CTNNA3: variants seen among roughly 807,000 people sequenced by gnomAD.
CTNNA3 encodes catenin alpha-3.
Under a neutral mutation model 95.7 loss-of-function variants are expected in CTNNA3, and 76 were observed. The ratio of observed to expected loss-of-function variants is 0.79; its 90% confidence interval spans 0.66 to 0.96. The LOEUF (loss-of-function observed/expected upper bound fraction) is 0.96, where lower values mean the gene tolerates loss of function less well. Among genes scored for constraint, CTNNA3 ranks in the 40% least tolerant of loss-of-function variants. CTNNA3 has a pLI of 0.00. For missense variants in CTNNA3, 1,191 were observed against 1,089.8 expected, an observed-to-expected ratio of 1.09 and a Z score of -1.31; for synonymous variants, 431 against 374.4, an observed-to-expected ratio of 1.15 and a Z score of -1.74.
chr10:66,055,402 T>A, intron 15 of CTNNA3, among the ~76,000 whole-genome samples: 1 of 152,180 alleles, frequency 6.6e-6, no homozygotes, highest in East Asian at 1.9e-4. Context: ...CTTTCATCAA[T>A]GTTTTACAGT....
intron 7 of CTNNA3, among the ~76,000 whole-genome samples, chr10:66,961,379 T>C (rs1849101345): frequency 6.6e-6 from 1 of 152,172 alleles, no homozygotes; most frequent in Non-Finnish European, 1.5e-5. Context: ...TCCTCTTACT[T>C]GAACTGTCAG....
chr10:66,761,583 G>A (rs1485631635), intron 9 of CTNNA3, among the ~76,000 whole-genome samples: 1 of 152,090 alleles, frequency 6.6e-6, no homozygotes, highest in Non-Finnish European at 1.5e-5. Context: ...TTCAAAAAAA[G>A]AGTGAAATTT....
At chr10:67,205,753 G>A (rs1270205762) in intron 6 of CTNNA3, among the ~76,000 whole-genome samples, 1 of 152,154 alleles carries the variant, frequency 6.6e-6, no homozygotes, top group African/African-American at 2.4e-5. Context: ...TGAGGAAAAG[G>A]TAAGGATAAA....
chr10:67,351,167 G>T (rs569195396), intron 5 of CTNNA3, among the ~76,000 whole-genome samples: 1 of 151,982 alleles, frequency 6.6e-6, no homozygotes, highest in South Asian at 2.1e-4. Context: ...TCTGGAATAG[G>T]CAAAACAGAT....
Position 66,845,660 on chromosome 10 carries a change from G to A in CTNNA3, c.1048-70136C>T, listed in dbSNP as rs532166158. Among the ~76,000 whole-genome samples, 17 of 126,128 alleles carry A rather than the reference G, an allele frequency of 1.3e-4. No homozygotes were observed. The East Asian group carries it at 1.5e-3, about 11-fold the overall frequency. 82.7% of individuals were successfully genotyped at this position (126,128 alleles called of 152,430 possible). ...AGAGGTTGCGGTGAGCCGAGATCGC[G>A]CCATTGCACTCCAGCCTGGGTAACA... On this transcript the variant is annotated intron_variant, in intron 7 of 17. Transcript: ENST00000433211.
chr10:66,953,650 G>A (rs1056187121), intron 7 of CTNNA3, among the ~76,000 whole-genome samples: 1 of 152,036 alleles, frequency 6.6e-6, no homozygotes, highest in African/African-American at 2.4e-5. Context: ...ATTGCTTAGA[G>A]AATTTCATCT....
intron 9 of CTNNA3, among the ~76,000 whole-genome samples, chr10:66,747,168 G>A (rs1260043011): frequency 6.6e-6 from 1 of 152,158 alleles, no homozygotes; most frequent in Non-Finnish European, 1.5e-5. Flanking sequence ...TCACTTAAAT[G>A]TTGCTTACAA....
chr10:67,682,597 T>C (rs544273739), intron 1 of CTNNA3, among the ~76,000 whole-genome samples: 2 of 152,320 alleles, frequency 1.3e-5, no homozygotes, highest in South Asian at 4.1e-4. Context: ...TATGAACTTC[T>C]TGAAGAGAAA....
chr10:66,562,463 G>C (rs1253724704), intron 10 of CTNNA3, among the ~76,000 whole-genome samples: 1 of 152,050 alleles, frequency 6.6e-6, no homozygotes, highest in Non-Finnish European at 1.5e-5. Flanking sequence ...TCTCCTTTAA[G>C]TAATGCTAAG....
chr10:66,637,917 T>A (rs1482520885), intron 9 of CTNNA3, among the ~76,000 whole-genome samples: 2 of 152,138 alleles, frequency 1.3e-5, no homozygotes, highest in Non-Finnish European at 2.9e-5. Context: ...TTAACACTAA[T>A]GGGCAGCTGC....
chr10:66,663,389 T>C (rs2132448733), intron 9 of CTNNA3, among the ~76,000 whole-genome samples: 1 of 151,718 alleles, frequency 6.6e-6, no homozygotes, highest in African/African-American at 2.4e-5. Context: ...TCCAAATTTG[T>C]CCAGGATATT....
chr10:65,977,626 T>C (rs2078231723), intron 16 of CTNNA3, among the ~76,000 whole-genome samples: 1 of 151,676 alleles, frequency 6.6e-6, no homozygotes. Flanking sequence ...ACTCAAAATA[T>C]GAAATATTAG....
chr10:67,246,034 T>C lies in CTNNA3; in HGVS notation c.580-26164A>G, dbSNP rs536729937. Among the ~76,000 whole-genome samples, 22 of 152,322 alleles carry C rather than the reference T, an allele frequency of 1.4e-4. 1 individual carries two copies. The South Asian group carries it at 4.6e-3, about 32-fold the overall frequency. On this transcript the variant is annotated intron_variant, in intron 5 of 17. Coordinates refer to ENST00000433211, the MANE Select transcript of CTNNA3 (RefSeq NM_013266.4). ...TGTATTCTACTTAGGTCATCTTTCA[T>C]GTTTGCGAGAATTCATATAGAAAGC...
At chr10:66,515,210 G>T (rs777949770) in intron 11 of CTNNA3, among the ~76,000 whole-genome samples, 1 of 151,818 alleles carries the variant, frequency 6.6e-6, no homozygotes, top group Non-Finnish European at 1.5e-5. Flanking sequence ...GAATTCACAC[G>T]TTTTCACAAA....
At chr10:65,945,835 C>T (rs2077508309) in intron 17 of CTNNA3, among the ~76,000 whole-genome samples, 1 of 152,110 alleles carries the variant, frequency 6.6e-6, no homozygotes. Context: ...TTATTTAGAG[C>T]TCAATAAATG....
intron 7 of CTNNA3, among the ~76,000 whole-genome samples, chr10:66,782,788 A>T (rs1358010886): frequency 6.6e-6 from 1 of 152,168 alleles, no homozygotes. Context: ...TATCTATCCT[A>T]TTAGTTATTA....
intron 11 of CTNNA3, among the ~76,000 whole-genome samples, chr10:66,486,447 C>T (rs1189969978): frequency 1.3e-5 from 2 of 151,982 alleles, no homozygotes; most frequent in South Asian, 2.1e-4. Context: ...TGACAGAATG[C>T]TCAACATCAC....
At chr10:67,616,545 G>T (rs1843663859) in intron 2 of CTNNA3, among the ~76,000 whole-genome samples, 1 of 152,200 alleles carries the variant, frequency 6.6e-6, no homozygotes, top group South Asian at 2.1e-4. Context: ...TGTCAACAAG[G>T]TTTGCTGACA....
At chr10:66,568,104 G>T (rs980774265) in intron 10 of CTNNA3, among the ~76,000 whole-genome samples, 1 of 152,246 alleles carries the variant, frequency 6.6e-6, no homozygotes, top group Non-Finnish European at 1.5e-5. Context: ...GCAGGTAGTA[G>T]GTAGCTTCTA....
Sources: allele counts gnomAD v4.1 joint callset (sites outside exome capture counted in the v4.1 genomes callset), GRCh38; gene constraint gnomAD v4.1.1; transcripts MANE v1.5; gene names NCBI Gene and HGNC (gene_info 2026-07-23, HGNC 2026-07-21).